The following TENM3 variants were observed in gnomAD, a reference collection of about 807,000 sequenced individuals.
TENM3 encodes teneurin transmembrane protein 3.
Under a neutral mutation model 255.1 loss-of-function variants are expected in TENM3, and 63 were observed. That is an observed-to-expected ratio of 0.25 (90% CI 0.20 to 0.30). The LOEUF is 0.30. Among genes scored for constraint, TENM3 ranks in the 10% least tolerant of loss-of-function variants. The probability of loss-of-function intolerance (pLI) is 1.00; values close to 1 mark genes in which losing one functional copy is unlikely to be tolerated. For synonymous variants in TENM3, 1,306 were observed against 1,322.3 expected (o/e 0.99, Z 0.27); for missense variants, 2,929 against 3,461.1 (o/e 0.85, Z 3.86).
chr4:182,450,029 C>T (rs1339615394), intron 3 of TENM3, among the ~76,000 whole-genome samples: 1 of 152,172 alleles, frequency 6.6e-6, no homozygotes, highest in Non-Finnish European at 1.5e-5. Context: ...CTATATGTGC[C>T]TGTGTCACAA....
chr4:182,777,541 G>GTTTT (rs1579462872), intron 24 of TENM3, among the ~76,000 whole-genome samples: 1 of 106,400 alleles, frequency 9.4e-6, no homozygotes, highest in African/African-American at 4.1e-5. Flanking sequence ...GTGTGTGTGT[G>GTTTT]TATTTCTTTT....
chr4:181,643,733 C>G, the TENM3 span, among the ~76,000 whole-genome samples: 1 of 152,086 alleles, frequency 6.6e-6, no homozygotes, highest in Non-Finnish European at 1.5e-5. Context: ...AGAGAATGTG[C>G]ATGAAATAAG....
intron 1 of TENM3, among the ~76,000 whole-genome samples, chr4:182,274,791 A>C (rs891176165): frequency 6.6e-6 from 1 of 152,124 alleles, no homozygotes; most frequent in East Asian, 1.9e-4. Flanking sequence ...GTTTAAGTCC[A>C]GTGGTCTCTA....
the TENM3 span, among the ~76,000 whole-genome samples, chr4:181,531,658 G>A: frequency 2.0e-5 from 3 of 152,154 alleles, no homozygotes; most frequent in African/African-American, 7.2e-5. Flanking sequence ...TAATGGAGAA[G>A]AAAGACATTA....
chr4:182,106,005 G>A, the TENM3 span, among the ~76,000 whole-genome samples: 2,027 of 152,278 alleles, frequency 0.013, 35 homozygotes, highest in African/African-American at 0.046. Flanking sequence ...ACTCTAAATC[G>A]TACTGTTGGG....
intron 12 of TENM3, among the ~76,000 whole-genome samples, chr4:182,703,286 CAG>C (rs1758030096): frequency 6.6e-6 from 1 of 152,152 alleles, no homozygotes; most frequent in African/African-American, 2.4e-5. Context: ...TAGCTGATAA[CAG>C]AACTTGTAAT....
chr4:182,026,622 T>G, the TENM3 span, among the ~76,000 whole-genome samples: 1,296 of 152,330 alleles, frequency 8.5e-3, 19 homozygotes, highest in East Asian at 0.046. Context: ...TAATCCATTT[T>G]TATTTGATTT....
At chr4:182,257,167 G>C (rs775971183) in intron 1 of TENM3, among the ~76,000 whole-genome samples, 2 of 152,126 alleles carry the variant, frequency 1.3e-5, no homozygotes, top group African/African-American at 4.8e-5. Flanking sequence ...CATAGATCTG[G>C]GGTGGGGCTC....
the TENM3 span, among the ~76,000 whole-genome samples, chr4:181,539,248 A>T: frequency 6.6e-6 from 1 of 152,214 alleles, no homozygotes; most frequent in Non-Finnish European, 1.5e-5. Context: ...TATATAATAG[A>T]AATAAAGTTG....
chr4:181,896,098 C>T, the TENM3 span, among the ~76,000 whole-genome samples: 2 of 152,130 alleles, frequency 1.3e-5, no homozygotes, highest in African/African-American at 4.8e-5. Context: ...AGGCTTTCCT[C>T]CCCACTCCAC....
intron 2 of TENM3, among the ~76,000 whole-genome samples, chr4:182,343,288 G>A (rs988917580): frequency 2.0e-5 from 3 of 152,092 alleles, no homozygotes; most frequent in Non-Finnish European, 4.4e-5. Context: ...ATTGTAATGG[G>A]AAACTCTTGT....
At position 182,743,234 on chromosome 4, in the gene TENM3, C is replaced by T; in HGVS notation, c.3444C>T (p.Ser1148=). Residue 1148 remains serine, a synonymous_variant, in exon 19 of 28, where the codon AGC becomes AGT. Coordinates refer to ENST00000511685, the MANE Select transcript of TENM3 (RefSeq NM_001080477.4). Reference sequence around the variant, plus strand: ...CCCAGCAGCCTCCAGTCGTGAGTAGCATCATGGGCAATGGGCGAAGGCGCA... The same window carrying T: ...CCCAGCAGCCTCCAGTCGTGAGTAGTATCATGGGCAATGGGCGAAGGCGCA... ...FISQQPPVVS[S]IMGNGRRRSI... is the part of the protein sequence containing the mutation. 1 of 1,614,004 alleles carries T rather than the reference C, an allele frequency of 6.2e-7. No homozygotes were observed. The highest frequency in any genetic ancestry group is 8.5e-7 in the Non-Finnish European group (1 of 1,179,882).
intron 4 of TENM3, among the ~76,000 whole-genome samples, chr4:182,624,526 A>G (rs1750640305): frequency 6.6e-6 from 1 of 152,176 alleles, no homozygotes; most frequent in Non-Finnish European, 1.5e-5. Flanking sequence ...AGCAGAAGGC[A>G]GGCTTCTCTC....
At chr4:182,145,944 G>A (rs1749935564) in intron 1 of TENM3, among the ~76,000 whole-genome samples, 1 of 152,298 alleles carries the variant, frequency 6.6e-6, no homozygotes, top group East Asian at 1.9e-4. Context: ...GAAAAAAGGT[G>A]GATATGGCAT....
At chr4:182,607,930 G>T (rs1377860657) in intron 4 of TENM3, among the ~76,000 whole-genome samples, 2 of 152,088 alleles carry the variant, frequency 1.3e-5, no homozygotes, top group Non-Finnish European at 2.9e-5. Flanking sequence ...TTTTGAACGT[G>T]AACAGTGTAA....
At position 182,639,156 on chromosome 4, in the gene TENM3, A is replaced by G. The variant is rs540147079; in HGVS notation, c.988+10267A>G. Among the ~76,000 whole-genome samples, 4 of 152,222 alleles carry G rather than the reference A, an allele frequency of 2.6e-5. No homozygotes were observed. In the South Asian group the frequency reaches 8.3e-4, roughly 31 times the overall value. The stretch of plus-strand genomic sequence containing the variant: ...AAGTAATATTTATCACAGTGATCTC[A>G]CACTCTTATATGACAAGATATAATT... On this transcript the variant is annotated intron_variant, in intron 5 of 27. Coordinates refer to ENST00000511685, the MANE Select transcript of TENM3 (RefSeq NM_001080477.4).
the TENM3 span, among the ~76,000 whole-genome samples, chr4:181,797,579 AC>A: frequency 6.6e-6 from 1 of 152,172 alleles, no homozygotes; most frequent in Non-Finnish European, 1.5e-5. Flanking sequence ...ATAAGCCGTG[AC>A]TTTGTATTTG....
chr4:182,741,545 G>A (rs1047946174), intron 18 of TENM3, among the ~76,000 whole-genome samples: 3 of 152,178 alleles, frequency 2.0e-5, no homozygotes, highest in Non-Finnish European at 4.4e-5. Flanking sequence ...TTGTAGAGCG[G>A]TAGTCTGACT....
chr4:182,489,890 C>G (rs1735123162), intron 3 of TENM3, among the ~76,000 whole-genome samples: 1 of 150,878 alleles, frequency 6.6e-6, no homozygotes, highest in South Asian at 2.1e-4. Context: ...CTCTTTCTTT[C>G]CTCCTCTCTC....
Sources: allele counts gnomAD v4.1 joint callset (sites outside exome capture counted in the v4.1 genomes callset), GRCh38; gene constraint gnomAD v4.1.1; transcripts MANE v1.5; gene names NCBI Gene and HGNC (gene_info 2026-07-23, HGNC 2026-07-21).